Variants in TRHDE observed in about 807,000 individuals in gnomAD.
TRHDE encodes the protein thyrotropin releasing hormone degrading enzyme.
TRHDE carries 72 observed loss-of-function variants against 125.7 expected under a neutral mutation model. The ratio of observed to expected loss-of-function variants is 0.57; its 90% confidence interval spans 0.47 to 0.70. The LOEUF (loss-of-function observed/expected upper bound fraction) is 0.70, where lower values mean the gene tolerates loss of function less well. TRHDE is among the 30% of genes least tolerant of loss of function. The pLI, the probability that TRHDE is intolerant of heterozygous loss-of-function variation, is 0.00. For missense variants in TRHDE, 1,110 were observed against 1,327.1 expected, an observed-to-expected ratio of 0.84 and a Z score of 2.54; for synonymous variants, 509 against 509.1, an observed-to-expected ratio of 1.00 and a Z score of 0.00.
chr12:72,182,742 T>C (rs1877119900), intron 2 of TRHDE, among the ~76,000 whole-genome samples: 1 of 152,140 alleles, frequency 6.6e-6, no homozygotes, highest in South Asian at 2.1e-4. Flanking sequence ...CCAAAGATGC[T>C]CTTCTCAGCC....
chr12:72,397,025 T>C (rs1204629975), intron 3 of TRHDE, among the ~76,000 whole-genome samples: 2 of 152,244 alleles, frequency 1.3e-5, no homozygotes, highest in Admixed American at 1.3e-4. Flanking sequence ...CTCTGTGGAC[T>C]CTAATTTCTT....
chr12:72,591,410 C>A (rs994443755), intron 12 of TRHDE, among the ~76,000 whole-genome samples: 3 of 152,108 alleles, frequency 2.0e-5, no homozygotes, highest in African/African-American at 7.2e-5. Context: ...TAGAAATCCT[C>A]CAACTACATA....
intron 2 of TRHDE, among the ~76,000 whole-genome samples, chr12:72,204,404 TA>T (rs1158228764): frequency 1.3e-5 from 2 of 152,162 alleles, no homozygotes; most frequent in Non-Finnish European, 1.5e-5. Flanking sequence ...TGCTTCCTGT[TA>T]TTTTTTTCTA....
intron 12 of TRHDE, among the ~76,000 whole-genome samples, chr12:72,612,572 A>G (rs1872670658): frequency 6.6e-6 from 1 of 152,130 alleles, no homozygotes; most frequent in African/African-American, 2.4e-5. Flanking sequence ...TATTTTCTGT[A>G]AACTTTAGCT....
At chr12:72,405,662 A>G (rs969437412) in intron 3 of TRHDE, among the ~76,000 whole-genome samples, 3 of 152,212 alleles carry the variant, frequency 2.0e-5, no homozygotes, top group African/African-American at 7.2e-5. Flanking sequence ...GGCTACTTCA[A>G]AGACATTTTA....
chr12:72,606,168 T>A (rs1177477860), intron 12 of TRHDE, among the ~76,000 whole-genome samples: 1 of 152,210 alleles, frequency 6.6e-6, no homozygotes, highest in Admixed American at 6.5e-5. Flanking sequence ...TATGGGGCAC[T>A]TGTATGTGGG....
At chr12:72,605,396 C>G (rs1038879892) in intron 12 of TRHDE, among the ~76,000 whole-genome samples, 1 of 151,920 alleles carries the variant, frequency 6.6e-6, no homozygotes, top group African/African-American at 2.4e-5. Flanking sequence ...TAGCTTTGCC[C>G]TTTATTTCTT....
chr12:72,262,244 T>C (rs1000623995), intron 2 of TRHDE, among the ~76,000 whole-genome samples: 3 of 152,192 alleles, frequency 2.0e-5, no homozygotes, highest in Non-Finnish European at 1.5e-5. Flanking sequence ...TGAAGGCTCA[T>C]TCTGTTTGAT....
chr12:72,400,729 G>A (rs1458200107), intron 3 of TRHDE, among the ~76,000 whole-genome samples: 2 of 152,056 alleles, frequency 1.3e-5, no homozygotes, highest in African/African-American at 4.8e-5. Context: ...TTTATTGTAC[G>A]TTGTATACTA....
At chr12:72,493,164 A>G (rs1877759951) in intron 5 of TRHDE, among the ~76,000 whole-genome samples, 1 of 151,986 alleles carries the variant, frequency 6.6e-6, no homozygotes, top group African/African-American at 2.4e-5. Context: ...GATTCCAAGG[A>G]TTAAAAAACT....
At chr12:72,174,005 A>G (rs1876936213) in intron 2 of TRHDE, among the ~76,000 whole-genome samples, 2 of 152,180 alleles carry the variant, frequency 1.3e-5, no homozygotes, top group South Asian at 2.1e-4. Flanking sequence ...GAACCGGTCT[A>G]TTTCTTCAAC....
chr12:72,541,047 G>T (rs1443783790), intron 6 of TRHDE, among the ~76,000 whole-genome samples: 1 of 151,670 alleles, frequency 6.6e-6, no homozygotes, highest in South Asian at 2.1e-4. Flanking sequence ...GAAATTCATT[G>T]TTGTGTTGCT....
chr12:72,451,480 C>A (rs1417846458), intron 3 of TRHDE, among the ~76,000 whole-genome samples: 1 of 152,128 alleles, frequency 6.6e-6, no homozygotes. Flanking sequence ...TTCTATTGGT[C>A]TATGTGTCTG....
chr12:72,489,726 A>G (rs911559916), intron 5 of TRHDE, among the ~76,000 whole-genome samples: 2 of 151,906 alleles, frequency 1.3e-5, no homozygotes, highest in Non-Finnish European at 2.9e-5. Flanking sequence ...CAATGCCACC[A>G]AGAAGACACG....
At chr12:72,518,556 G>C (rs1879004289) in intron 6 of TRHDE, among the ~76,000 whole-genome samples, 1 of 152,086 alleles carries the variant, frequency 6.6e-6, no homozygotes, top group South Asian at 2.1e-4. Flanking sequence ...TGTGAGATGG[G>C]TTTCCTGAAT....
chr12:72,647,921 A>G (rs1169517198), intron 15 of TRHDE, among the ~76,000 whole-genome samples: 10 of 152,102 alleles, frequency 6.6e-5, no homozygotes, highest in Non-Finnish European at 1.5e-4. Context: ...TGTTACCAGC[A>G]TCACCCTGGT....
chr12:72,621,271 C>T (rs2136078807), intron 14 of TRHDE, 66 bp downstream of exon 14: 1 of 1,022,018 alleles, frequency 9.8e-7, no homozygotes, highest in East Asian at 2.5e-5. Context: ...CTACTAGTGC[C>T]ATTGTGACTT....
At chr12:72,312,880 C>A (rs1038690331) in intron 2 of TRHDE, among the ~76,000 whole-genome samples, 1 of 152,056 alleles carries the variant, frequency 6.6e-6, no homozygotes, top group Non-Finnish European at 1.5e-5. Flanking sequence ...GCATCTCTGC[C>A]AATATACATC....
intron 2 of TRHDE, among the ~76,000 whole-genome samples, chr12:72,233,699 A>C (rs1205198368): frequency 6.6e-6 from 1 of 152,182 alleles, no homozygotes; most frequent in Non-Finnish European, 1.5e-5. Flanking sequence ...CTCAGCATAA[A>C]ATGTTATAGT....
Sources: allele counts gnomAD v4.1 joint callset (sites outside exome capture counted in the v4.1 genomes callset), GRCh38; gene constraint gnomAD v4.1.1; transcripts MANE v1.5; gene names NCBI Gene and HGNC (gene_info 2026-07-23, HGNC 2026-07-21).